The following MEGF8 variants were observed in gnomAD, a reference collection of about 807,000 sequenced individuals.
MEGF8 encodes multiple epidermal growth factor-like domains protein 8.
In MEGF8, 156 loss-of-function variants were observed where a neutral mutation model predicts 302.9. The observed-to-expected ratio is 0.52, with a 90% CI of 0.45 to 0.59. The LOEUF is 0.59. Ranked by LOEUF, MEGF8 falls within the 20% of genes least tolerant of loss-of-function variation. The pLI is 0.00. For synonymous variants in MEGF8, 1,621 were observed against 1,660.5 expected, an observed-to-expected ratio of 0.98 and a Z score of 0.58; for missense variants, 3,345 against 3,964.5, an observed-to-expected ratio of 0.84 and a Z score of 4.20.
chr19:42,347,982 G>A (rs1488310964), intron 12 of MEGF8, among the ~76,000 whole-genome samples: 1 of 152,198 alleles, frequency 6.6e-6, no homozygotes, highest in Non-Finnish European at 1.5e-5. Context: ...TGAGGAGTTG[G>A]ATAAGAAGAC....
At chr19:42,343,706 C>T in intron 9 of MEGF8, 75 bp downstream of exon 9, 3 of 1,475,048 alleles carry the variant, frequency 2.0e-6, no homozygotes, top group Non-Finnish European at 2.7e-6. Context: ...AGGGGAAAGG[C>T]AGGAGGGGAT....
rs1044026339 is a variant in MEGF8 at position 42,336,577 on chromosome 19, C to T, written c.1245-230C>T. 6.6e-6 allele frequency among the ~76,000 whole-genome samples: 1 copy of T among 152,234 alleles called. No homozygotes were observed. The highest frequency in any genetic ancestry group is 2.1e-4 in the South Asian group (1 of 4,836). ...GTGAATTGCCTTCCACACACTCCCA[C>T]CCATGTATCTATTCAACAGAGCCCT... On this transcript the variant is annotated intron_variant, in intron 6 of 41. Coordinates refer to ENST00000251268, the MANE Select transcript of MEGF8 (RefSeq NM_001271938.2). The surrounding 1 kb of genome is among the most constrained non-coding windows in gnomAD (Gnocchi z 4.8).
In MEGF8 at chr19:42,351,320, C is replaced by T. The variant is rs1243216045; in HGVS notation, c.2841C>T (p.Pro947=). 1.3e-6 allele frequency: 2 copies of T among 1,567,852 alleles called. No individual in the cohort carries two copies. Among genetic ancestry groups the T allele is most frequent in the Non-Finnish European group, 1.7e-6 (2 of 1,156,064 alleles). ...CCCTGAAGAGTCCAGAGGAGTGTCC[C>T]CCGCTCTGCAGCCAGTGAGTCAGGC... ...RGALKSPEEC[P]PLCSQRLTCE... Residue 947 remains proline, a synonymous_variant, in exon 16 of 42, where the codon CCC becomes CCT. Transcript: ENST00000251268. The surrounding 1 kb of genome is among the most constrained non-coding windows in gnomAD (Gnocchi z 5.6).
chr19:42,350,823 C>T (rs1463600032), intron 15 of MEGF8, among the ~76,000 whole-genome samples: 4 of 152,254 alleles, frequency 2.6e-5, no homozygotes, highest in African/African-American at 7.2e-5. Context: ...TATTTCTCTC[C>T]CCCCACCCCA....
At chr19:42,341,198 A>T (rs1568559729) in intron 8 of MEGF8, among the ~76,000 whole-genome samples, 2 of 152,076 alleles carry the variant, frequency 1.3e-5, no homozygotes. Context: ...TTGGGAGGCC[A>T]AGGCGGGAAA....
rs1206116606 is a variant in MEGF8 at position 42,344,074 on chromosome 19, G to C, written c.1788+1G>C. ...CCCTCCTGGGACCCCCTTGGGGGCT[G>C]TGAGTGACAGCCCTAGACCCTCTGT... is the stretch of plus-strand genomic sequence containing the variant. On this transcript the variant is annotated splice_donor_variant, in intron 10 of 41. Coordinates refer to ENST00000251268, the MANE Select transcript of MEGF8 (RefSeq NM_001271938.2). LOFTEE classifies it high-confidence loss of function. This position sits in a 1 kb window ranked among gnomAD's most constrained non-coding sequence, Gnocchi z 4.5. 1.2e-6 allele frequency: 2 copies of C among 1,612,894 alleles called. No individual in the cohort carries two copies. The highest frequency in any genetic ancestry group is 3.3e-5 in the Admixed American group (2 of 59,960).
chr19:42,362,908 G>T (rs1213061376), intron 34 of MEGF8, 140 bp from the exon 35 acceptor site: 10 of 776,122 alleles, frequency 1.3e-5, no homozygotes, highest in Non-Finnish European at 2.1e-5. Flanking sequence ...GATCTCTTGG[G>T]TCTGAGGGAG....
chr19:42,371,198 A>G (rs1237912248), intron 40 of MEGF8, among the ~76,000 whole-genome samples, 152 bp from the exon 41 acceptor site: 20 of 152,112 alleles, frequency 1.3e-4, no homozygotes, highest in Admixed American at 1.3e-3. Context: ...ATGGTAATTT[A>G]ACTGCTTTGT....
rs750406891 is a variant in MEGF8, at chr19:42,359,251, C to T, written c.5488+9C>T. The T allele has an allele frequency of 1.9e-6, 3 of 1,543,360 alleles. No individual in the cohort carries two copies. In the South Asian group the frequency reaches 3.7e-5, roughly 19 times the overall value. The stretch of plus-strand genomic sequence containing the variant: ...TCTGCCCGACCTCACCCGTAAGTCC[C>T]CATTGTGGCTCCCAGGAGGCTGAGG... On this transcript the variant is annotated intron_variant, in intron 31 of 41. Coordinates refer to ENST00000251268, the MANE Select transcript of MEGF8 (RefSeq NM_001271938.2).
chr19:42,338,386 C>T (rs1190340148), intron 8 of MEGF8, among the ~76,000 whole-genome samples: 2 of 152,070 alleles, frequency 1.3e-5, no homozygotes, highest in Non-Finnish European at 2.9e-5. Context: ...AGTATAGGCG[C>T]ATGCCACCAC....
intron 1 of MEGF8, among the ~76,000 whole-genome samples, chr19:42,329,073 A>G (rs2039022236): frequency 6.6e-6 from 1 of 152,184 alleles, no homozygotes. Context: ...TGAGTGGGAA[A>G]AGGGAGCAAA....
At chr19:42,329,901 C>T (rs377145498) in intron 1 of MEGF8, among the ~76,000 whole-genome samples, 10 of 151,710 alleles carry the variant, frequency 6.6e-5, no homozygotes, top group African/African-American at 2.2e-4. Context: ...AGATAAACAA[C>T]CAACCTACTA....
At chr19:42,372,490 A>G (rs1193916164) in intron 41 of MEGF8, among the ~76,000 whole-genome samples, 1 of 152,120 alleles carries the variant, frequency 6.6e-6, no homozygotes, top group Admixed American at 6.6e-5. Flanking sequence ...TTCTCTCTCC[A>G]GTCCCAGAGG....
Position 42,351,052 on chromosome 19 carries a change from G to A in MEGF8, c.2737-164G>A, listed in dbSNP as rs1160696765. The A allele has an allele frequency of 3.1e-6, 2 of 653,530 alleles. No individual in the cohort carries two copies. The highest frequency in any genetic ancestry group is 5.4e-6 in the Non-Finnish European group (2 of 373,806). The allele number at this position is 653,530 out of a possible 1,614,324, so 40.5% of individuals were successfully genotyped here. A position where few individuals can be genotyped will look rare whatever the true frequency, so the allele number is the denominator to read the frequency against. On this transcript the variant is annotated intron_variant, in intron 15 of 41. Coordinates refer to ENST00000251268, the MANE Select transcript of MEGF8 (RefSeq NM_001271938.2). The surrounding 1 kb of genome is among the most constrained non-coding windows in gnomAD (Gnocchi z 5.6). ...TGGGTGCTGGGCGGGCCGACCCATG[G>A]GTGTCTGTGGTCGAAGGGAGGGGTC...
intron 2 of MEGF8, 104 bp downstream of exon 2, chr19:42,333,872 A>T: frequency 6.5e-7 from 1 of 1,542,500 alleles, no homozygotes; most frequent in Non-Finnish European, 8.8e-7. Flanking sequence ...CACAGGGACA[A>T]GGGAAGGTGG....
chr19:42,353,466 C>T lies in MEGF8; in HGVS notation c.3552C>T (p.Asp1184=). The change falls in exon 21 of 42, where the codon GAC becomes GAT. Residue 1184 remains aspartate, a splice_region_variant and synonymous_variant. Coordinates refer to ENST00000251268, the MANE Select transcript of MEGF8 (RefSeq NM_001271938.2). The surrounding 1 kb of genome is among the most constrained non-coding windows in gnomAD (Gnocchi z 6.1). ...TCCCACCTGCTGGGGCCTCCACAGACTGGACATGGGGGGAGCACTGCGAAC... is the reference window on the plus strand; with the variant it reads ...TCCCACCTGCTGGGGCCTCCACAGATTGGACATGGGGGGAGCACTGCGAAC... The part of the protein sequence containing the change: ...RGPGFCDECQ[D]WTWGEHCERC... 2 of 1,610,318 alleles carry T rather than the reference C, an allele frequency of 1.2e-6. No homozygotes were observed. The highest frequency in any genetic ancestry group is 1.7e-6 in the Non-Finnish European group (2 of 1,179,374).
Position 42,369,008 on chromosome 19 carries a change from G to A in MEGF8, c.6641+6G>A. On this transcript the variant is annotated splice_donor_region_variant and intron_variant, in intron 37 of 41. Coordinates refer to ENST00000251268, the MANE Select transcript of MEGF8 (RefSeq NM_001271938.2). This position sits in a 1 kb window ranked among gnomAD's most constrained non-coding sequence, Gnocchi z 5.7. ...ACCGGCTATACCATGGACAAGTGAG[G>A]CCGCAGGCGGCGCTGGGGCCAGGCA... 1.9e-6 allele frequency: 3 copies of A among 1,612,730 alleles called. No individual in the cohort carries two copies. The highest frequency in any genetic ancestry group is 2.5e-6 in the Non-Finnish European group (3 of 1,179,720).
Position 42,368,901 on chromosome 19 carries a change from C to T in MEGF8, c.6540C>T (p.Asp2180=), listed in dbSNP as rs781099770. Residue 2180 remains aspartate, a synonymous_variant, in exon 37 of 42, where the codon GAC becomes GAT. Coordinates refer to ENST00000251268, the MANE Select transcript of MEGF8 (RefSeq NM_001271938.2). The surrounding 1 kb of genome is among the most constrained non-coding windows in gnomAD (Gnocchi z 4.9). ...CCTTCCTGTCCTGCCCCCCTGAGGA[C>T]GAGTGTGCAAACGGGCACCACGACT... The part of the protein sequence containing the change: ...SWAFLSCPPE[D]ECANGHHDCN... The T allele has an allele frequency of 2.2e-5, 35 of 1,613,722 alleles. No individual in the cohort carries two copies. Among genetic ancestry groups the T allele is most frequent in the Admixed American group, 1.2e-4 (7 of 59,986 alleles).
At chr19:42,362,275 C>G in intron 33 of MEGF8, 62 bp downstream of exon 33, 4 of 1,609,312 alleles carry the variant, frequency 2.5e-6, no homozygotes, top group Non-Finnish European at 2.5e-6. Context: ...GTCCTGGTCT[C>G]CACTCTGGTC....
Sources: gnomAD v4.1 joint callset for allele counts (sites outside exome capture counted in the v4.1 genomes callset) on GRCh38, gnomAD v4.1.1 for gene constraint, Gnocchi (gnomAD v3.1) non-coding constraint, MANE v1.5 for transcripts, NCBI Gene and HGNC (gene_info 2026-07-23, HGNC 2026-07-21) for gene names.